The following LRBA variants were observed in gnomAD, a reference collection of about 807,000 sequenced individuals.
LRBA encodes lipopolysaccharide-responsive and beige-like anchor protein.
LRBA carries 176 observed loss-of-function variants against 330.0 expected under a neutral mutation model. That is an observed-to-expected ratio of 0.53 (90% confidence interval 0.47 to 0.60). LRBA has a LOEUF of 0.60. LRBA is among the 20% of genes least tolerant of loss of function. The pLI is 0.00. For synonymous variants in LRBA, 1,230 were observed against 1,193.0 expected (o/e 1.03, Z -0.64); for missense variants, 3,259 against 3,444.8 (o/e 0.95, Z 1.35).
chr4:150,969,488 C>G (rs753617744), intron 2 of LRBA, among the ~76,000 whole-genome samples: 3 of 152,108 alleles, frequency 2.0e-5, no homozygotes, highest in Non-Finnish European at 2.9e-5. Context: ...AGCAAGAGAA[C>G]TAGATTGAGA....
chr4:150,900,113 C>T lies in LRBA; in HGVS notation c.1860G>A (p.Thr620=), dbSNP rs761682197. ...TCACTGCCCAGTAGTAGTACTTCAG[C>T]GTGTGCATGATGAGAAGCACTGTTC... The part of the protein sequence containing the change: ...RVGTVLLIMH[T]LKYYYWAVNP... Residue 620 remains threonine, a synonymous_variant, in exon 14 of 57, where the codon ACG becomes ACA. Transcript: ENST00000651943. 13 of 1,612,888 alleles carry T rather than the reference C, an allele frequency of 8.1e-6. No individual in the cohort carries two copies. In the East Asian group the frequency reaches 1.1e-4, roughly 14 times the overall value.
At chr4:150,821,074 G>A (rs2126783330) in intron 30 of LRBA, among the ~76,000 whole-genome samples, 2 of 152,142 alleles carry the variant, frequency 1.3e-5, no homozygotes, top group South Asian at 4.1e-4. Context: ...TCAGGCTACA[G>A]CTTAAGTTTC....
chr4:150,724,842 A>AAAAAT (rs1222275598), intron 36 of LRBA, among the ~76,000 whole-genome samples: 2 of 149,986 alleles, frequency 1.3e-5, no homozygotes, highest in Non-Finnish European at 3.0e-5. Context: ...CCCTGTCTCA[A>AAAAAT]AAAATAAAAT....
chr4:150,272,131 C>T (rs1339057804), intron 56 of LRBA, among the ~76,000 whole-genome samples: 2 of 152,188 alleles, frequency 1.3e-5, no homozygotes, highest in African/African-American at 2.4e-5. Flanking sequence ...GAGGAAGGAA[C>T]TGGCAGCAAT....
intron 53 of LRBA, among the ~76,000 whole-genome samples, chr4:150,300,349 C>A (rs1729508414): frequency 2.0e-5 from 3 of 151,966 alleles, no homozygotes; most frequent in African/African-American, 7.2e-5. Context: ...TTATATTATT[C>A]TTTTATTGTT....
At chr4:150,603,479 C>CT (rs1774319880) in intron 37 of LRBA, among the ~76,000 whole-genome samples, 1 of 151,962 alleles carries the variant, frequency 6.6e-6, no homozygotes, top group South Asian at 2.1e-4. Flanking sequence ...AATGTCATGG[C>CT]TTTTTTGTGG....
chr4:150,666,089 G>C (rs906376151), intron 37 of LRBA, among the ~76,000 whole-genome samples: 1 of 152,114 alleles, frequency 6.6e-6, no homozygotes, highest in Admixed American at 6.6e-5. Flanking sequence ...AATCACGAAA[G>C]GGTAGGAAAA....
At position 150,282,436 on chromosome 4, in the gene LRBA, C is replaced by G. The variant is rs550821414; in HGVS notation, c.8316+14G>C. The G allele has an allele frequency of 1.2e-6, 2 of 1,611,112 alleles. No homozygotes were observed. The highest frequency in any genetic ancestry group is 1.7e-5 in the Admixed American group (1 of 59,670). ...TAAAAGTCGTGAATGCTGAAGAGTC[C>G]CCAGGGCACTCACTCTTATGTTATC... On this transcript the variant is annotated intron_variant, in intron 55 of 56. Coordinates refer to ENST00000651943, the MANE Select transcript of LRBA (RefSeq NM_001364905.1).
intron 40 of LRBA, among the ~76,000 whole-genome samples, chr4:150,586,319 AG>A (rs1244462511): frequency 6.6e-6 from 1 of 152,158 alleles, no homozygotes; most frequent in East Asian, 1.9e-4. Context: ...CCAGAAAAAA[AG>A]TTTTTAAGTC....
chr4:150,711,498 A>C (rs1391234399), intron 36 of LRBA, among the ~76,000 whole-genome samples: 1 of 152,030 alleles, frequency 6.6e-6, no homozygotes, highest in African/African-American at 2.4e-5. Flanking sequence ...TCAGCCTCCC[A>C]AAATGCTGGG....
intron 46 of LRBA, among the ~76,000 whole-genome samples, chr4:150,417,611 A>G (rs1440076855): frequency 1.3e-5 from 2 of 152,142 alleles, no homozygotes; most frequent in Non-Finnish European, 1.5e-5. Flanking sequence ...TGCTGGTTAT[A>G]CCTACCATGC....
chr4:150,461,166 A>C (rs1283685010), intron 44 of LRBA, among the ~76,000 whole-genome samples: 1 of 151,824 alleles, frequency 6.6e-6, no homozygotes, highest in African/African-American at 2.4e-5. Flanking sequence ...AAGCAATAGC[A>C]TGCTGCTTGT....
At chr4:150,555,950 C>T (rs1767269316) in intron 40 of LRBA, among the ~76,000 whole-genome samples, 1 of 151,874 alleles carries the variant, frequency 6.6e-6, no homozygotes, top group Non-Finnish European at 1.5e-5. Context: ...AGCAGGAGCA[C>T]ACCACTATGC....
intron 40 of LRBA, among the ~76,000 whole-genome samples, chr4:150,555,580 C>G (rs1767195806): frequency 6.6e-6 from 1 of 151,988 alleles, no homozygotes; most frequent in African/African-American, 2.4e-5. Context: ...GAAACGCCAT[C>G]TCTACTAAAA....
chr4:150,889,319 A>G (rs1017891615), intron 17 of LRBA, among the ~76,000 whole-genome samples: 2 of 151,916 alleles, frequency 1.3e-5, no homozygotes, highest in Admixed American at 6.6e-5. Flanking sequence ...AACCTCTGGC[A>G]TAAATGGCTT....
At chr4:150,286,219 C>T (rs555975196) in intron 53 of LRBA, among the ~76,000 whole-genome samples, 185 bp from the exon 54 acceptor site, 1 of 152,254 alleles carries the variant, frequency 6.6e-6, no homozygotes, top group East Asian at 1.9e-4. Flanking sequence ...CCACATCCTG[C>T]TAAAATGTCA....
At chr4:150,908,531 G>A in intron 10 of LRBA, 64 bp from the exon 11 acceptor site, 3 of 1,505,292 alleles carry the variant, frequency 2.0e-6, no homozygotes, top group South Asian at 1.3e-5. Context: ...TTAAAAATAA[G>A]GCACAACAAT....
chr4:150,405,434 T>C (rs1048805803), intron 47 of LRBA, among the ~76,000 whole-genome samples: 15 of 152,180 alleles, frequency 9.9e-5, no homozygotes, highest in African/African-American at 3.6e-4. Context: ...CCCAATTCTA[T>C]AAAACTTTTA....
chr4:150,541,242 A>T (rs1032051104), intron 40 of LRBA, among the ~76,000 whole-genome samples: 1 of 152,188 alleles, frequency 6.6e-6, no homozygotes, highest in Non-Finnish European at 1.5e-5. Context: ...AAAGAGCATG[A>T]CTGAGCTGAG....
Sources: gnomAD v4.1 joint callset for allele counts (sites outside exome capture counted in the v4.1 genomes callset) on GRCh38, gnomAD v4.1.1 for gene constraint, MANE v1.5 for transcripts, NCBI Gene and HGNC (gene_info 2026-07-23, HGNC 2026-07-21) for gene names.